The following LOC730098 variants were observed in gnomAD, a reference collection of about 807,000 sequenced individuals.
At chr9:34,665,606 C>T in the LOC730098 span, 2 of 701,238 alleles carry the variant, frequency 2.9e-6, no homozygotes, top group East Asian at 2.7e-5. Flanking sequence ...AACCCGCCTC[C>T]ACTCACTCCT....
chr9:34,665,500 G>T, the LOC730098 span: 1 of 697,310 alleles, frequency 1.4e-6, no homozygotes, highest in Non-Finnish European at 2.6e-6. Context: ...GGCTCCCTTC[G>T]CGCCCACGCC....
the LOC730098 span, chr9:34,665,085 G>C: frequency 1.7e-6 from 1 of 600,848 alleles, no homozygotes; most frequent in Non-Finnish European, 3.0e-6. Flanking sequence ...GGCTGCGGCG[G>C]GGGAAGCCAC....
At chr9:34,664,864 A>G in the LOC730098 span, 5 of 421,900 alleles carry the variant, frequency 1.2e-5, no homozygotes, top group Admixed American at 7.8e-5. Flanking sequence ...GGAGACAGCC[A>G]TTGATAGTAA....
chr9:34,665,140 C>T, the LOC730098 span: 146 of 616,148 alleles, frequency 2.4e-4, 2 homozygotes, highest in South Asian at 2.6e-3. Context: ...GGACAGACAG[C>T]TCATCAGGCC....
At chr9:34,664,938 CTG>C in the LOC730098 span, 1 of 477,540 alleles carries the variant, frequency 2.1e-6, no homozygotes, top group Non-Finnish European at 3.7e-6. Flanking sequence ...GAGGGACGCC[CTG>C]TCAGTACGGA....
At chr9:34,664,513 T>C in the LOC730098 span, 1 of 152,348 alleles carries the variant, frequency 6.6e-6, no homozygotes, top group African/African-American at 2.4e-5. Flanking sequence ...CCTTGGACTC[T>C]CCTAGGGAGG....
the LOC730098 span, chr9:34,665,070 G>A: frequency 3.3e-6 from 2 of 600,432 alleles, no homozygotes; most frequent in African/African-American, 1.9e-5. Flanking sequence ...GGGCAGCGGC[G>A]GTGGGGCTGC....
the LOC730098 span, chr9:34,664,797 T>C: frequency 2.5e-6 from 1 of 395,070 alleles, no homozygotes; most frequent in East Asian, 3.7e-5. Flanking sequence ...GGCAGGATTA[T>C]TTAGTTCTCT....
chr9:34,665,512 CT>C, the LOC730098 span: 2 of 699,342 alleles, frequency 2.9e-6, no homozygotes, highest in East Asian at 5.4e-5. Flanking sequence ...GCCCACGCCC[CT>C]GGGAGGCTCG....
chr9:34,665,332 A>C, the LOC730098 span: 1 of 686,650 alleles, frequency 1.5e-6, no homozygotes, highest in East Asian at 2.8e-5. Flanking sequence ...CCTCCGCCAC[A>C]TGCGAAGCCA....
chr9:34,664,303 A>C, the LOC730098 span: 5 of 152,266 alleles, frequency 3.3e-5, no homozygotes, highest in Admixed American at 3.3e-4. Context: ...CTCCCCAGCC[A>C]CAATCTGCTG....
the LOC730098 span, chr9:34,664,878 G>A: frequency 2.3e-6 from 1 of 427,960 alleles, no homozygotes; most frequent in South Asian, 7.2e-5. Context: ...ATAGTAACAG[G>A]AGGCCTGACA....
chr9:34,665,773 C>T, the LOC730098 span: 1 of 661,034 alleles, frequency 1.5e-6, no homozygotes, highest in Admixed American at 2.3e-5. Context: ...CTCAGGTAAT[C>T]TGAGGCTGAT....
chr9:34,665,089 A>T, the LOC730098 span: 1 of 595,824 alleles, frequency 1.7e-6, no homozygotes, highest in Non-Finnish European at 3.0e-6. Flanking sequence ...GCGGCGGGGG[A>T]AGCCACGACC....
chr9:34,665,289 G>A, the LOC730098 span: 1 of 702,296 alleles, frequency 1.4e-6, no homozygotes. Flanking sequence ...CCCGGGGCGG[G>A]TCCGCGGTAT....
the LOC730098 span, chr9:34,665,919 C>T: frequency 7.6e-5 from 42 of 549,186 alleles, no homozygotes; most frequent in Non-Finnish European, 1.1e-4. Context: ...AGAGGTTTGG[C>T]GGTCATGGGG....
the LOC730098 span, chr9:34,664,325 C>G: frequency 1.3e-5 from 2 of 152,266 alleles, no homozygotes; most frequent in Admixed American, 1.3e-4. Context: ...AGCTTTGGCC[C>G]CAGCCAGAAA....
chr9:34,665,454 C>A, the LOC730098 span: 12 of 688,560 alleles, frequency 1.7e-5, no homozygotes, highest in African/African-American at 8.8e-5. Flanking sequence ...CGCGGTGCCT[C>A]GCCGTCGAGG....
At chr9:34,665,133 C>G in the LOC730098 span, 180 of 612,804 alleles carry the variant, frequency 2.9e-4, 2 homozygotes, top group Admixed American at 6.0e-4. Context: ...GGCCGCTGGA[C>G]AGACAGCTCA....
Sources: allele counts gnomAD v4.1 joint callset, GRCh38; gene constraint gnomAD v4.1.1; transcripts MANE v1.5.